Variants in SKAP2 observed in about 807,000 individuals in gnomAD.
SKAP2 encodes the protein src kinase associated phosphoprotein 2, also known as src kinase-associated phosphoprotein 2.
Under a neutral mutation model 54.9 loss-of-function variants are expected in SKAP2, and 28 were observed. The ratio of observed to expected loss-of-function variants is 0.51; its 90% CI spans 0.38 to 0.70. SKAP2 has a LOEUF of 0.70. Ranked by LOEUF, SKAP2 falls within the 30% of genes least tolerant of loss-of-function variation. The pLI, the probability that SKAP2 is intolerant of heterozygous loss-of-function variation, is 0.00. For missense variants in SKAP2, 356 were observed against 424.1 expected (o/e 0.84, Z 1.41); for synonymous variants, 137 against 134.3 (o/e 1.02, Z -0.14).
At chr7:26,682,309 G>T (rs1219256870) in intron 11 of SKAP2, among the ~76,000 whole-genome samples, 1 of 152,138 alleles carries the variant, frequency 6.6e-6, no homozygotes, top group Non-Finnish European at 1.5e-5. Context: ...AGGAAGGTAA[G>T]GAAGTAAGTC....
intron 4 of SKAP2, among the ~76,000 whole-genome samples, chr7:26,784,376 C>T (rs578102962): frequency 5.3e-5 from 8 of 152,152 alleles, no homozygotes; most frequent in African/African-American, 1.2e-4. Flanking sequence ...TTTTCCTCCA[C>T]GGTGAGAGTA....
chr7:26,704,629 T>C (rs1787117675), intron 9 of SKAP2, among the ~76,000 whole-genome samples: 1 of 152,098 alleles, frequency 6.6e-6, no homozygotes, highest in Non-Finnish European at 1.5e-5. Flanking sequence ...TATGATAAAA[T>C]AGGTTATAAT....
Position 26,718,013 on chromosome 7 carries a change from T to TTA in SKAP2, c.796+7413_796+7414dup, listed in dbSNP as rs771983592. Among the ~76,000 whole-genome samples, 39 of 151,694 alleles carry TTA rather than the reference T, an allele frequency of 2.6e-4. 1 individual carries two copies. The highest frequency in any genetic ancestry group is 3.9e-4 in the African/African-American group (16 of 41,378). ...ACAGAAAACTCATGCGATGAGGATATTATATATATATACATACATACATAC... is the reference window on the plus strand; with the variant it reads ...ACAGAAAACTCATGCGATGAGGATATTATATATATATATACATACATACATAC... On this transcript the variant is annotated intron_variant, in intron 9 of 12. Coordinates refer to ENST00000345317, the MANE Select transcript of SKAP2 (RefSeq NM_003930.5).
intron 6 of SKAP2, among the ~76,000 whole-genome samples, chr7:26,735,571 T>C (rs373928362): frequency 9.2e-5 from 14 of 152,212 alleles, no homozygotes; most frequent in Admixed American, 8.5e-4. Flanking sequence ...ACTATGTATC[T>C]GTCAAACAGT....
chr7:26,749,946 T>C (rs886892494), intron 4 of SKAP2, among the ~76,000 whole-genome samples: 2 of 98,228 alleles, frequency 2.0e-5, no homozygotes, highest in African/African-American at 3.5e-5. Flanking sequence ...GCCTTTACCA[T>C]GAGTTAGGTA....
chr7:26,777,883 C>T (rs1018161721), intron 4 of SKAP2, among the ~76,000 whole-genome samples: 1 of 151,924 alleles, frequency 6.6e-6, no homozygotes, highest in Non-Finnish European at 1.5e-5. Context: ...ATCCTGGTAA[C>T]ATACTACATA....
chr7:26,725,775 T>A lies in SKAP2; in HGVS notation c.658+148A>T, dbSNP rs1468602475. ...CTTATAGAAAAGATGCTGTTTAAAA[T>A]CTGAAGTGAGTGGTCTGTATTAATA... On this transcript the variant is annotated intron_variant, in intron 8 of 12. Transcript: ENST00000345317. The A allele has an allele frequency of 6.2e-6, 5 of 803,386 alleles. No individual in the cohort carries two copies. The East Asian group carries it at 1.3e-4, about 22-fold the overall frequency. The allele number at this position is 803,386 out of a possible 1,614,324, so 49.8% of individuals were successfully genotyped here. A position where few individuals can be genotyped will look rare whatever the true frequency, so the allele number is the denominator to read the frequency against.
intron 4 of SKAP2, among the ~76,000 whole-genome samples, chr7:26,833,030 C>T (rs1279460813): frequency 2.6e-5 from 4 of 152,108 alleles, no homozygotes; most frequent in Non-Finnish European, 5.9e-5. Context: ...GAAGCCTTCT[C>T]CATGAGCATT....
At chr7:26,662,819 C>G (rs1786037233), downstream of SKAP2, among the ~76,000 whole-genome samples, 1 of 151,972 alleles carries the variant, frequency 6.6e-6, no homozygotes, top group Admixed American at 6.6e-5. Flanking sequence ...CTGCTGGGTT[C>G]CCAGAAAGCA....
chr7:26,773,157 T>A (rs1455091840), intron 4 of SKAP2, among the ~76,000 whole-genome samples: 1 of 152,244 alleles, frequency 6.6e-6, no homozygotes, highest in Non-Finnish European at 1.5e-5. Context: ...GGTCTACAAC[T>A]AGCAGCCACA....
At chr7:26,678,572 C>T (rs529897505) in intron 11 of SKAP2, among the ~76,000 whole-genome samples, 2 of 151,818 alleles carry the variant, frequency 1.3e-5, no homozygotes, top group East Asian at 3.9e-4. Context: ...TCCCAAGTAG[C>T]TGGGACTACA....
chr7:26,663,439 G>T (rs1786054025), downstream of SKAP2, among the ~76,000 whole-genome samples: 1 of 152,094 alleles, frequency 6.6e-6, no homozygotes, highest in African/African-American at 2.4e-5. Flanking sequence ...TCCAGTACAA[G>T]GCACTGCTTG....
At chr7:26,825,876 T>C (rs1457799178) in intron 4 of SKAP2, among the ~76,000 whole-genome samples, 2 of 152,152 alleles carry the variant, frequency 1.3e-5, no homozygotes, top group Admixed American at 6.6e-5. Context: ...CCCAGCCTTT[T>C]ATTCTCTCTA....
chr7:26,837,259 A>C (rs931069925), intron 4 of SKAP2, among the ~76,000 whole-genome samples: 2 of 152,110 alleles, frequency 1.3e-5, no homozygotes, highest in Non-Finnish European at 2.9e-5. Flanking sequence ...GGGTGCAGCA[A>C]ACCACCATGG....
At chr7:26,663,415 A>G (rs1413767202), downstream of SKAP2, among the ~76,000 whole-genome samples, 1 of 152,092 alleles carries the variant, frequency 6.6e-6, no homozygotes, top group Non-Finnish European at 1.5e-5. Context: ...AACACAACAG[A>G]AGTCTTTATG....
intron 4 of SKAP2, among the ~76,000 whole-genome samples, chr7:26,767,742 C>A (rs191911617): frequency 1.3e-5 from 2 of 152,078 alleles, no homozygotes; most frequent in Non-Finnish European, 2.9e-5. Flanking sequence ...CAGGAGCAGG[C>A]TGTTCAGTTT....
intron 4 of SKAP2, among the ~76,000 whole-genome samples, chr7:26,827,746 G>T (rs183850339): frequency 6.6e-6 from 1 of 152,090 alleles, no homozygotes; most frequent in Non-Finnish European, 1.5e-5. Context: ...AAAAGATCAC[G>T]TACTTAGATA....
intron 10 of SKAP2, 123 bp downstream of exon 10, chr7:26,690,162 T>A: frequency 1.5e-6 from 1 of 681,204 alleles, no homozygotes; most frequent in Non-Finnish European, 2.6e-6. Flanking sequence ...CCATAAGATA[T>A]CCAAGCCAAA....
At chr7:26,810,213 T>A (rs925973632) in intron 4 of SKAP2, among the ~76,000 whole-genome samples, 1 of 152,106 alleles carries the variant, frequency 6.6e-6, no homozygotes, top group South Asian at 2.1e-4. Context: ...TACACCCTTG[T>A]AGTCCTAACC....
Sources: allele counts gnomAD v4.1 joint callset (sites outside exome capture counted in the v4.1 genomes callset), GRCh38; gene constraint gnomAD v4.1.1; transcripts MANE v1.5; gene names NCBI Gene and HGNC (gene_info 2026-07-23, HGNC 2026-07-21).